Variants in CDH18 observed in about 807,000 individuals in gnomAD.
CDH18 encodes the protein cadherin 18, also known as cadherin-18.
Under a neutral mutation model 67.9 loss-of-function variants are expected in CDH18, and 31 were observed. The ratio of observed to expected loss-of-function variants is 0.46; its 90% CI spans 0.34 to 0.62. The LOEUF (loss-of-function observed/expected upper bound fraction) is 0.62. Among genes scored for constraint, CDH18 ranks in the 20% least tolerant of loss-of-function variants. The pLI is 0.01. For synonymous variants in CDH18, 362 were observed against 347.2 expected (o/e 1.04, Z -0.48); for missense variants, 890 against 975.5 (o/e 0.91, Z 1.17).
chr5:19,929,123 CAT>C (rs959541504), intron 2 of CDH18, among the ~76,000 whole-genome samples: 32 of 150,824 alleles, frequency 2.1e-4, no homozygotes, highest in Non-Finnish European at 3.5e-4. Context: ...GCAAAGTACA[CAT>C]GTGTTCATGT....
At chr5:19,764,017 A>AAT (rs1772728159) in intron 3 of CDH18, among the ~76,000 whole-genome samples, 1 of 148,898 alleles carries the variant, frequency 6.7e-6, no homozygotes, top group African/African-American at 2.5e-5. Context: ...AAAAAAAAAA[A>AAT]ATTAGCTGGG....
At chr5:19,963,420 G>A (rs542861653) in intron 2 of CDH18, among the ~76,000 whole-genome samples, 3 of 152,016 alleles carry the variant, frequency 2.0e-5, no homozygotes, top group Non-Finnish European at 4.4e-5. Flanking sequence ...TGCAGTAATC[G>A]AATTCCCATA....
intron 2 of CDH18, among the ~76,000 whole-genome samples, chr5:20,063,309 CTTT>C (rs1408673413): frequency 6.6e-6 from 1 of 151,600 alleles, no homozygotes; most frequent in Non-Finnish European, 1.5e-5. Flanking sequence ...CTGTACTATA[CTTT>C]TTAATTTATT....
At chr5:20,020,831 A>G (rs1738349140) in intron 2 of CDH18, among the ~76,000 whole-genome samples, 1 of 152,142 alleles carries the variant, frequency 6.6e-6, no homozygotes, top group Non-Finnish European at 1.5e-5. Context: ...TTCCCACTGG[A>G]GCACTGCCTA....
chr5:20,460,958 G>A (rs1751224635), intron 1 of CDH18, among the ~76,000 whole-genome samples: 1 of 152,132 alleles, frequency 6.6e-6, no homozygotes, highest in African/African-American at 2.4e-5. Flanking sequence ...TCAGGAGCTA[G>A]CAATCACATC....
chr5:19,613,425 A>C (rs1486581473), intron 5 of CDH18, among the ~76,000 whole-genome samples: 2 of 152,324 alleles, frequency 1.3e-5, no homozygotes, highest in Admixed American at 1.3e-4. Flanking sequence ...TCAAAGACTA[A>C]GAAACTCACT....
intron 2 of CDH18, among the ~76,000 whole-genome samples, chr5:19,900,627 C>T (rs1258388214): frequency 3.3e-5 from 5 of 151,924 alleles, no homozygotes; most frequent in Non-Finnish European, 7.4e-5. Flanking sequence ...CAAGATATTG[C>T]CAAGCTTTCA....
intron 5 of CDH18, among the ~76,000 whole-genome samples, chr5:19,653,137 G>C (rs547615648): frequency 6.6e-6 from 1 of 150,962 alleles, no homozygotes. Context: ...AAGTAATGGC[G>C]GTTTTTGCCT....
chr5:20,095,332 AAAG>A, intron 2 of CDH18, among the ~76,000 whole-genome samples: 2 of 141,996 alleles, frequency 1.4e-5, no homozygotes, highest in African/African-American at 5.4e-5. Flanking sequence ...AGAAAGAAAG[AAAG>A]AAAGAAAGAA....
chr5:20,004,516 T>C (rs1736730513), intron 2 of CDH18, among the ~76,000 whole-genome samples: 1 of 152,210 alleles, frequency 6.6e-6, no homozygotes, highest in African/African-American at 2.4e-5. Context: ...TTAATTAACT[T>C]CATTTTTCAT....
At chr5:20,161,196 A>T (rs1408069055) in intron 2 of CDH18, among the ~76,000 whole-genome samples, 1 of 152,210 alleles carries the variant, frequency 6.6e-6, no homozygotes, top group Non-Finnish European at 1.5e-5. Flanking sequence ...ATTCAGTTCC[A>T]TGTGACATAG....
chr5:20,248,739 C>T (rs1743577901), intron 2 of CDH18, among the ~76,000 whole-genome samples: 1 of 152,156 alleles, frequency 6.6e-6, no homozygotes, highest in South Asian at 2.1e-4. Flanking sequence ...CTTAAAAATA[C>T]AAGCATAAGC....
At chr5:20,481,042 T>C (rs945249356) in intron 1 of CDH18, among the ~76,000 whole-genome samples, 3 of 151,520 alleles carry the variant, frequency 2.0e-5, no homozygotes, top group South Asian at 2.1e-4. Flanking sequence ...TCAAAAGATA[T>C]AGAGTGGCTG....
chr5:19,831,637 C>T (rs913674440), intron 3 of CDH18, among the ~76,000 whole-genome samples: 2 of 152,016 alleles, frequency 1.3e-5, no homozygotes, highest in Middle Eastern at 3.2e-3. Context: ...AAAGGGAACA[C>T]ATACACTCTT....
chr5:20,092,116 A>C (rs968901587), intron 2 of CDH18, among the ~76,000 whole-genome samples: 26 of 152,178 alleles, frequency 1.7e-4, no homozygotes, highest in Non-Finnish European at 1.2e-4. Context: ...GCAACAGTGT[A>C]AAATACCTCA....
chr5:19,797,289 C>T (rs1449804397), intron 3 of CDH18, among the ~76,000 whole-genome samples: 1 of 151,798 alleles, frequency 6.6e-6, no homozygotes, highest in Non-Finnish European at 1.5e-5. Context: ...AACATGTCTG[C>T]TCTAGTAACT....
intron 2 of CDH18, among the ~76,000 whole-genome samples, chr5:20,029,264 A>G (rs558204195): frequency 6.6e-6 from 1 of 152,178 alleles, no homozygotes; most frequent in Non-Finnish European, 1.5e-5. Context: ...GATTGTTGCA[A>G]AGTTCAAAGA....
chr5:20,009,622 G>T (rs1737226928), intron 2 of CDH18, among the ~76,000 whole-genome samples: 1 of 152,062 alleles, frequency 6.6e-6, no homozygotes, highest in South Asian at 2.1e-4. Context: ...AGTGTATTAT[G>T]TCAACCAGCT....
chr5:20,378,047 A>G (rs946784445), intron 1 of CDH18, among the ~76,000 whole-genome samples: 9 of 152,214 alleles, frequency 5.9e-5, no homozygotes, highest in Admixed American at 4.6e-4. Context: ...CTGATCATTT[A>G]CATCAGAACG....
Sources: allele counts gnomAD v4.1 joint callset (sites outside exome capture counted in the v4.1 genomes callset), GRCh38; gene constraint gnomAD v4.1.1; transcripts MANE v1.5; gene names NCBI Gene and HGNC (gene_info 2026-07-23, HGNC 2026-07-21).